CACNB2: variants seen among roughly 807,000 people sequenced by gnomAD.
CACNB2 encodes voltage-dependent L-type calcium channel subunit beta-2.
Under a neutral mutation model 73.3 loss-of-function variants are expected in CACNB2, and 42 were observed. The ratio of observed to expected loss-of-function variants is 0.57; its 90% CI spans 0.45 to 0.74. The LOEUF (loss-of-function observed/expected upper bound fraction) is 0.74, where lower values mean the gene tolerates loss of function less well. Among genes scored for constraint, CACNB2 ranks in the 30% least tolerant of loss-of-function variants. The pLI is 0.00. For missense variants in CACNB2, 940 were observed against 853.0 expected (o/e 1.10, Z -1.27); for synonymous variants, 348 against 310.3 (o/e 1.12, Z -1.28).
intron 2 of CACNB2, among the ~76,000 whole-genome samples, chr10:18,171,521 GAAAAAAAAA>G (rs370201485): frequency 6.4e-4 from 21 of 32,604 alleles, no homozygotes; most frequent in Admixed American, 1.2e-3. Context: ...TTTGATAGCA[GAAAAAAAAA>G]AAAAAAAAAA....
At chr10:18,297,267 A>G (rs1403121134) in intron 2 of CACNB2, among the ~76,000 whole-genome samples, 4 of 152,192 alleles carry the variant, frequency 2.6e-5, no homozygotes, top group African/African-American at 9.7e-5. Flanking sequence ...TCCTCAGGCC[A>G]GGCACAATGG....
intron 3 of CACNB2, among the ~76,000 whole-genome samples, chr10:18,409,043 AT>A (rs913665630): frequency 6.6e-6 from 1 of 151,802 alleles, no homozygotes; most frequent in East Asian, 1.9e-4. Context: ...TTTTTTTGTA[AT>A]CTCAGCACTT....
chr10:18,392,555 GGA>G (rs1456023405), intron 2 of CACNB2, among the ~76,000 whole-genome samples: 2 of 152,140 alleles, frequency 1.3e-5, no homozygotes, highest in African/African-American at 4.8e-5. Flanking sequence ...TTTCTGCAAA[GGA>G]GAGGGGAAAA....
In CACNB2 at chr10:18,442,971, T is replaced by TATATATATATAC. The variant is rs1338766083; in HGVS notation, c.333+40928_333+40929insATATATATATAC. On this transcript the variant is annotated intron_variant, in intron 3 of 13. Transcript: ENST00000324631. Reference sequence around the variant, plus strand: ...ATATATATATATGTATATATATATGTGTATATATATATATGTATATATATA... The same window carrying TATATATATATAC: ...ATATATATATATGTATATATATATGTATATATATATACGTATATATATATATGTATATATATA... Among the ~76,000 whole-genome samples the TATATATATATAC allele has an allele frequency of 5.9e-4, 11 of 18,582 alleles. 1 individual carries two copies. Among genetic ancestry groups the TATATATATATAC allele is most frequent in the African/African-American group, 1.7e-3 (2 of 1,182 alleles). The allele number at this position is 18,582 out of a possible 152,430, so 12.2% of individuals were successfully genotyped here.
chr10:18,483,531 C>CAA lies in CACNB2; in HGVS notation c.334-14810_334-14809dup, dbSNP rs58945993. The stretch of plus-strand genomic sequence containing the variant: ...GGGCAATAAGAGCAAAACTCTGTCT[C>CAA]AAAAAAAAAAAAAAAGAAAAGAAAA... On this transcript the variant is annotated intron_variant, in intron 3 of 13. Coordinates refer to ENST00000324631, the MANE Select transcript of CACNB2 (RefSeq NM_201596.3). Among the ~76,000 whole-genome samples, 987 of 115,076 alleles carry CAA rather than the reference C, an allele frequency of 8.6e-3. 8 individuals carry two copies. The highest frequency in any genetic ancestry group is 0.013 in the Admixed American group (142 of 10,922). 75.5% of individuals were successfully genotyped at this position (115,076 alleles called of 152,430 possible). A position where few individuals can be genotyped will look rare whatever the true frequency, so the allele number is the denominator to read the frequency against.
At position 18,384,088 on chromosome 10, in the gene CACNB2, C is replaced by A. The variant is rs764368805; in HGVS notation, c.214-17836C>A. Among the ~76,000 whole-genome samples the A allele has an allele frequency of 5.9e-5, 9 of 152,064 alleles. 1 individual carries two copies. Among genetic ancestry groups the A allele is most frequent in the African/African-American group, 7.2e-5 (3 of 41,390 alleles). Reference sequence around the variant, plus strand: ...TGTTAGGAGAAGGTAAAAAGTGCATCCAGAAGCAAGGTTATCAGGGCCAAA... The same window carrying A: ...TGTTAGGAGAAGGTAAAAAGTGCATACAGAAGCAAGGTTATCAGGGCCAAA... On this transcript the variant is annotated intron_variant, in intron 2 of 13. Coordinates refer to ENST00000324631, the MANE Select transcript of CACNB2 (RefSeq NM_201596.3).
At chr10:18,308,411 G>A (rs939255424) in intron 2 of CACNB2, among the ~76,000 whole-genome samples, 7 of 152,164 alleles carry the variant, frequency 4.6e-5, no homozygotes, top group Admixed American at 3.3e-4. Flanking sequence ...CGTCATCCAC[G>A]TAATAAGCAT....
At chr10:18,513,491 T>C in intron 6 of CACNB2, 1 of 300,486 alleles carries the variant, frequency 3.3e-6, no homozygotes, top group South Asian at 3.4e-5. Context: ...AAGTCCCTCG[T>C]CTCCTTTGCA....
intron 3 of CACNB2, among the ~76,000 whole-genome samples, chr10:18,491,651 G>A (rs1022938985): frequency 2.0e-5 from 3 of 152,058 alleles, no homozygotes; most frequent in African/African-American, 7.2e-5. Flanking sequence ...AAGGGCAAGA[G>A]CCCTGAATGG....
intron 2 of CACNB2, among the ~76,000 whole-genome samples, chr10:18,176,330 GA>G (rs1266464490): frequency 1.3e-5 from 2 of 152,124 alleles, no homozygotes; most frequent in Non-Finnish European, 2.9e-5. Flanking sequence ...CTGTTTTAAT[GA>G]GGAGGTAAAA....
chr10:18,336,038 A>G (rs1234142196), intron 2 of CACNB2, among the ~76,000 whole-genome samples: 1 of 152,178 alleles, frequency 6.6e-6, no homozygotes, highest in African/African-American at 2.4e-5. Flanking sequence ...GAAAGCTGAT[A>G]CTCAAATATG....
intron 2 of CACNB2, among the ~76,000 whole-genome samples, chr10:18,352,201 A>G (rs1384517210): frequency 1.3e-5 from 2 of 152,242 alleles, no homozygotes; most frequent in South Asian, 2.1e-4. Context: ...TGATATTCTG[A>G]TAATCCTGTT....
At chr10:18,358,127 C>T (rs1416640924) in intron 2 of CACNB2, among the ~76,000 whole-genome samples, 2 of 152,188 alleles carry the variant, frequency 1.3e-5, no homozygotes, top group Non-Finnish European at 2.9e-5. Context: ...CACTCTGTCA[C>T]CCAAGCTAGA....
At chr10:18,402,192 T>A (rs2044036390) in intron 3 of CACNB2, 149 bp downstream of exon 3, 1 of 872,910 alleles carries the variant, frequency 1.1e-6, no homozygotes, top group Non-Finnish European at 1.9e-6. Flanking sequence ...GAGCCTAGTT[T>A]CTTCCCTTGG....
chr10:18,207,527 A>G (rs1160132385), intron 2 of CACNB2, among the ~76,000 whole-genome samples: 1 of 152,218 alleles, frequency 6.6e-6, no homozygotes, highest in Non-Finnish European at 1.5e-5. Context: ...GAGAAACTAT[A>G]TATCTTAGTT....
At chr10:18,248,814 ACT>A (rs1441664411) in intron 2 of CACNB2, among the ~76,000 whole-genome samples, 1 of 151,812 alleles carries the variant, frequency 6.6e-6, no homozygotes, top group African/African-American at 2.4e-5. Flanking sequence ...GACTTTCTCA[ACT>A]CTCTGTTCCT....
At chr10:18,312,652 C>A (rs1340219347) in intron 2 of CACNB2, among the ~76,000 whole-genome samples, 1 of 152,196 alleles carries the variant, frequency 6.6e-6, no homozygotes, top group African/African-American at 2.4e-5. Flanking sequence ...ATTCAGATCC[C>A]TAATCTGCTC....
chr10:18,203,183 C>T lies in CACNB2; in HGVS notation c.213+52208C>T, dbSNP rs2034954858. ...AAAATTTTGTTCTTTCATCTGTATT[C>T]TGGTCAGCCAGCTTGAAGTAGACAC... On this transcript the variant is annotated intron_variant, in intron 2 of 13. Coordinates refer to ENST00000324631, the MANE Select transcript of CACNB2 (RefSeq NM_201596.3). Among the ~76,000 whole-genome samples the T allele has an allele frequency of 3.3e-5, 5 of 152,160 alleles. No homozygotes were observed. The South Asian group carries it at 1.0e-3, about 32-fold the overall frequency.
intron 2 of CACNB2, among the ~76,000 whole-genome samples, chr10:18,401,683 G>T (rs958386002): frequency 6.6e-6 from 1 of 152,196 alleles, no homozygotes; most frequent in African/African-American, 2.4e-5. Context: ...TTCCAGGAAG[G>T]ATAGTTTTTT....
Sources: allele counts gnomAD v4.1 joint callset (sites outside exome capture counted in the v4.1 genomes callset), GRCh38; gene constraint gnomAD v4.1.1; transcripts MANE v1.5; gene names NCBI Gene and HGNC (gene_info 2026-07-23, HGNC 2026-07-21).